Variants in TIAM1 observed in about 807,000 individuals in gnomAD.
TIAM1 encodes the protein rho guanine nucleotide exchange factor TIAM1.
TIAM1 carries 65 observed loss-of-function variants against 163.5 expected under a neutral mutation model. That is an observed-to-expected ratio of 0.40 (90% confidence interval 0.33 to 0.49). The LOEUF is 0.49. TIAM1 is among the 20% of genes least tolerant of loss of function. The pLI, the probability that TIAM1 is intolerant of heterozygous loss-of-function variation, is 0.77. For missense variants in TIAM1, 1,789 were observed against 2,044.7 expected, an observed-to-expected ratio of 0.87 and a Z score of 2.41; for synonymous variants, 833 against 810.1, an observed-to-expected ratio of 1.03 and a Z score of -0.48.
chr21:31,533,745 T>TA (rs2048041204), intron 1 of TIAM1, among the ~76,000 whole-genome samples: 1 of 152,022 alleles, frequency 6.6e-6, no homozygotes, highest in African/African-American at 2.4e-5. Flanking sequence ...AAAAATAAAA[T>TA]AAAAAATTAT....
At chr21:31,517,454 T>C (rs2047423191) in intron 1 of TIAM1, among the ~76,000 whole-genome samples, 1 of 152,168 alleles carries the variant, frequency 6.6e-6, no homozygotes, top group African/African-American at 2.4e-5. Flanking sequence ...TTACTCATTG[T>C]GGAAGACTAA....
intron 1 of TIAM1, among the ~76,000 whole-genome samples, chr21:31,518,258 G>A (rs1430870342): frequency 6.6e-6 from 1 of 152,002 alleles, no homozygotes; most frequent in African/African-American, 2.4e-5. Flanking sequence ...AACTTAAAAA[G>A]AATAAATGAG....
intron 2 of TIAM1, among the ~76,000 whole-genome samples, chr21:31,332,488 A>G (rs1477253668): frequency 6.6e-6 from 1 of 152,198 alleles, no homozygotes; most frequent in East Asian, 1.9e-4. Context: ...CCCAGTGCTC[A>G]CCTTCTCATA....
intron 19 of TIAM1, among the ~76,000 whole-genome samples, chr21:31,150,945 A>G (rs1178975308): frequency 6.6e-6 from 1 of 152,252 alleles, no homozygotes; most frequent in Non-Finnish European, 1.5e-5. Flanking sequence ...CACTTCACCA[A>G]GGTGGATATA....
intron 2 of TIAM1, among the ~76,000 whole-genome samples, chr21:31,433,007 T>C (rs1042749401): frequency 6.6e-6 from 1 of 152,170 alleles, no homozygotes; most frequent in African/African-American, 2.4e-5. Flanking sequence ...AAGGGAAACA[T>C]GTAACAAATT....
chr21:31,278,454 CTT>C (rs2073401165), intron 2 of TIAM1, among the ~76,000 whole-genome samples: 1 of 152,200 alleles, frequency 6.6e-6, no homozygotes, highest in African/African-American at 2.4e-5. Context: ...TGAAGGGCCT[CTT>C]TGGGTGGCTT....
intron 1 of TIAM1, among the ~76,000 whole-genome samples, chr21:31,536,424 T>G (rs571378082): frequency 6.6e-6 from 1 of 152,286 alleles, no homozygotes; most frequent in South Asian, 2.1e-4. Context: ...TGGTGCAATC[T>G]GGACCACCCC....
At chr21:31,388,230 CACACACACACACACACACACACACACACA>C (rs1015530556) in intron 2 of TIAM1, among the ~76,000 whole-genome samples, 12 of 108,918 alleles carry the variant, frequency 1.1e-4, no homozygotes, top group African/African-American at 3.2e-4. Context: ...CACACACACA[CACACACACACACACACACACACACACACA>C]ACCTCTTACG....
At chr21:31,449,670 G>C (rs904894424) in intron 2 of TIAM1, among the ~76,000 whole-genome samples, 1 of 152,110 alleles carries the variant, frequency 6.6e-6, no homozygotes, top group Non-Finnish European at 1.5e-5. Context: ...GAGCCACTGC[G>C]CCTGGTCTGT....
chr21:31,555,454 T>C (rs2048842464), intron 1 of TIAM1, among the ~76,000 whole-genome samples: 1 of 152,024 alleles, frequency 6.6e-6, no homozygotes, highest in African/African-American at 2.4e-5. Context: ...CCAGTGAAAG[T>C]GTGTTTTTGA....
chr21:31,285,192 C>CT (rs3216554), intron 2 of TIAM1, among the ~76,000 whole-genome samples: 2 of 152,154 alleles, frequency 1.3e-5, no homozygotes, highest in African/African-American at 4.8e-5. Flanking sequence ...AGCCACCCCC[C>CT]CAAGCCAATT....
At chr21:31,161,247 C>A (rs542739471) in intron 16 of TIAM1, among the ~76,000 whole-genome samples, 1 of 152,112 alleles carries the variant, frequency 6.6e-6, no homozygotes, top group Admixed American at 6.5e-5. Context: ...AGCTGCCAGG[C>A]GGCCTGGAAT....
intron 1 of TIAM1, among the ~76,000 whole-genome samples, chr21:31,497,170 A>G (rs1210269766): frequency 2.6e-5 from 4 of 152,178 alleles, no homozygotes; most frequent in Admixed American, 6.5e-5. Context: ...GTTGTAGGGT[A>G]TACCATCTAG....
intron 2 of TIAM1, among the ~76,000 whole-genome samples, chr21:31,453,511 T>C (rs2044956133): frequency 6.6e-6 from 1 of 151,924 alleles, no homozygotes; most frequent in Non-Finnish European, 1.5e-5. Flanking sequence ...CTGACCAACA[T>C]GGCGAAACTC....
chr21:31,303,290 C>T (rs182050958), intron 2 of TIAM1, among the ~76,000 whole-genome samples: 2 of 152,266 alleles, frequency 1.3e-5, no homozygotes, highest in East Asian at 3.9e-4. Context: ...ACTGGGTTAC[C>T]TACTCTAAGA....
chr21:31,246,128 C>A (rs2071488566), intron 5 of TIAM1, among the ~76,000 whole-genome samples: 1 of 152,108 alleles, frequency 6.6e-6, no homozygotes, highest in South Asian at 2.1e-4. Flanking sequence ...CCAGACCATG[C>A]CCTTGGATAA....
At chr21:31,152,454 A>C (rs1385090164) in intron 19 of TIAM1, among the ~76,000 whole-genome samples, 182 bp downstream of exon 19, 3 of 152,224 alleles carry the variant, frequency 2.0e-5, no homozygotes, top group Admixed American at 2.0e-4. Flanking sequence ...AGTTTAATGC[A>C]AATTGATGGC....
At chr21:31,383,010 C>T (rs11910036) in intron 2 of TIAM1, among the ~76,000 whole-genome samples, 14,750 of 152,128 alleles carry the variant, frequency 0.097, 767 homozygotes, top group Middle Eastern at 0.13. Context: ...GAGGCCAAGG[C>T]GGGAAGATCA....
At chr21:31,258,875 G>A (rs764519659) in intron 4 of TIAM1, among the ~76,000 whole-genome samples, 2 of 151,566 alleles carry the variant, frequency 1.3e-5, no homozygotes, top group East Asian at 2.0e-4. Flanking sequence ...CTAGATACTC[G>A]GTCAACTGGT....
Sources: allele counts gnomAD v4.1 joint callset (sites outside exome capture counted in the v4.1 genomes callset), GRCh38; gene constraint gnomAD v4.1.1; transcripts MANE v1.5; gene names NCBI Gene and HGNC (gene_info 2026-07-23, HGNC 2026-07-21).